TMPRSS15: variants seen among roughly 807,000 people sequenced by gnomAD.
TMPRSS15 encodes the protein enteropeptidase.
TMPRSS15 carries 128 observed loss-of-function variants against 125.3 expected under a neutral mutation model. The ratio of observed to expected loss-of-function variants is 1.02; its 90% CI spans 0.89 to 1.18. TMPRSS15 has a LOEUF of 1.18. Among genes scored for constraint, TMPRSS15 ranks in the 50% most tolerant of loss-of-function variants. The pLI is 0.00. For missense variants in TMPRSS15, 1,283 were observed against 1,212.7 expected (o/e 1.06, Z -0.86); for synonymous variants, 446 against 423.2 (o/e 1.05, Z -0.66).
intron 1 of TMPRSS15, among the ~76,000 whole-genome samples, chr21:18,414,106 G>A (rs2076174417): frequency 6.6e-6 from 1 of 152,114 alleles, no homozygotes; most frequent in African/African-American, 2.4e-5. Context: ...TCATTAGAAT[G>A]TTAAGATATT....
At chr21:18,463,424 C>T (rs2122953870) in intron 1 of TMPRSS15, among the ~76,000 whole-genome samples, 2 of 151,948 alleles carry the variant, frequency 1.3e-5, no homozygotes, top group East Asian at 3.9e-4. Flanking sequence ...ATATATACAC[C>T]CAATATAGGA....
rs776606731 is a variant in TMPRSS15, at chr21:18,294,589, A to T, written c.2311+14T>A. 6.2e-7 allele frequency: 1 copy of T among 1,610,100 alleles called. No individual in the cohort carries two copies. The highest frequency in any genetic ancestry group is 8.5e-7 in the Non-Finnish European group (1 of 1,176,312). Reference sequence around the variant, plus strand: ...AGAATGCTTGAAGTGGGATATGACAACATATTTACTTACATTTATGGTTAC... The same window carrying T: ...AGAATGCTTGAAGTGGGATATGACATCATATTTACTTACATTTATGGTTAC... On this transcript the variant is annotated intron_variant, in intron 20 of 24. Coordinates refer to ENST00000284885, the MANE Select transcript of TMPRSS15 (RefSeq NM_002772.3).
intron 5 of TMPRSS15, among the ~76,000 whole-genome samples, chr21:18,377,368 T>C (rs2075854923): frequency 6.6e-6 from 1 of 152,126 alleles, no homozygotes; most frequent in Non-Finnish European, 1.5e-5. Context: ...TCCAAATAGT[T>C]GTTTTGTTCA....
chr21:18,474,543 G>T (rs1978841620), intron 1 of TMPRSS15, among the ~76,000 whole-genome samples: 1 of 152,062 alleles, frequency 6.6e-6, no homozygotes, highest in African/African-American at 2.4e-5. Flanking sequence ...ATACACCTCG[G>T]CCTCCCAAAG....
intron 1 of TMPRSS15, among the ~76,000 whole-genome samples, chr21:18,443,061 A>G (rs996108653): frequency 2.6e-5 from 4 of 152,002 alleles, no homozygotes; most frequent in Non-Finnish European, 5.9e-5. Flanking sequence ...CCAACTATCC[A>G]TGGACACTTT....
intron 7 of TMPRSS15, among the ~76,000 whole-genome samples, 182 bp from the exon 8 acceptor site, chr21:18,360,045 C>T (rs2075665483): frequency 1.3e-5 from 2 of 152,050 alleles, no homozygotes; most frequent in African/African-American, 4.8e-5. Context: ...TACAGCAGAT[C>T]TCTAGAACTC....
intron 21 of TMPRSS15, among the ~76,000 whole-genome samples, chr21:18,292,582 T>G (rs2074851489): frequency 6.6e-6 from 1 of 152,206 alleles, no homozygotes; most frequent in Non-Finnish European, 1.5e-5. Flanking sequence ...CTAATATTAC[T>G]GCGAGCCTGA....
intron 10 of TMPRSS15, among the ~76,000 whole-genome samples, chr21:18,347,581 T>C (rs1460356117): frequency 1.3e-5 from 2 of 152,204 alleles, no homozygotes; most frequent in East Asian, 3.8e-4. Flanking sequence ...TTGCTAGAAC[T>C]TTTGGAAACA....
rs1317579554 is a variant in TMPRSS15 at position 18,413,319 on chromosome 21, C to T, written c.11-14990G>A. On this transcript the variant is annotated intron_variant, in intron 1 of 7. Transcript: ENST00000422787. Reference sequence around the variant, plus strand: ...TTTCTTTCTTTTCTTTCTTTTCCTTCCTTCCTTCCTTCCTTCCTTCCTTCC... The same window carrying T: ...TTTCTTTCTTTTCTTTCTTTTCCTTTCTTCCTTCCTTCCTTCCTTCCTTCC... Among the ~76,000 whole-genome samples, 220 of 101,974 alleles carry T rather than the reference C, an allele frequency of 2.2e-3. 9 individuals carry two copies. The highest frequency in any genetic ancestry group is 0.013 in the East Asian group (52 of 3,860). 66.9% of individuals were successfully genotyped at this position (101,974 alleles called of 152,430 possible).
At chr21:18,352,449 G>A (rs537408057) in intron 10 of TMPRSS15, among the ~76,000 whole-genome samples, 9 of 152,034 alleles carry the variant, frequency 5.9e-5, no homozygotes, top group South Asian at 4.2e-4. Context: ...AAGGAACATC[G>A]GAGATAACAA....
chr21:18,351,262 T>C (rs1343269121), intron 10 of TMPRSS15, among the ~76,000 whole-genome samples: 1 of 152,188 alleles, frequency 6.6e-6, no homozygotes. Flanking sequence ...TTTTATTCAG[T>C]CAATAACTTA....
At chr21:18,297,185 C>T (rs1350228902) in intron 19 of TMPRSS15, among the ~76,000 whole-genome samples, 2 of 152,012 alleles carry the variant, frequency 1.3e-5, no homozygotes, top group Non-Finnish European at 2.9e-5. Flanking sequence ...CTTTTTAATA[C>T]CTTAGTAAAG....
At chr21:18,479,287 A>C (rs1978936648) in intron 1 of TMPRSS15, among the ~76,000 whole-genome samples, 1 of 151,986 alleles carries the variant, frequency 6.6e-6, no homozygotes, top group South Asian at 2.1e-4. Flanking sequence ...TCATAAACAA[A>C]TGCATATACA....
At chr21:18,450,297 G>A (rs1185548760) in intron 1 of TMPRSS15, among the ~76,000 whole-genome samples, 2 of 151,754 alleles carry the variant, frequency 1.3e-5, no homozygotes, top group Admixed American at 6.6e-5. Flanking sequence ...TTCATCTGGG[G>A]TTGCATAATG....
chr21:18,396,792 A>AAAATATG (rs1408156983), intron 3 of TMPRSS15, among the ~76,000 whole-genome samples: 1 of 112,792 alleles, frequency 8.9e-6, no homozygotes, highest in Non-Finnish European at 1.8e-5. Flanking sequence ...AAAAAAAAAA[A>AAAATATG]TCTGTCTGTC....
At chr21:18,335,708 T>G (rs1377333208) in intron 13 of TMPRSS15, among the ~76,000 whole-genome samples, 1 of 152,202 alleles carries the variant, frequency 6.6e-6, no homozygotes, top group Non-Finnish European at 1.5e-5. Flanking sequence ...TGTAAAGAAT[T>G]GGTAAAAACA....
At chr21:18,449,199 G>C (rs2076262256) in intron 1 of TMPRSS15, among the ~76,000 whole-genome samples, 1 of 152,034 alleles carries the variant, frequency 6.6e-6, no homozygotes, top group Non-Finnish European at 1.5e-5. Context: ...TGAAAATGTA[G>C]CATTATATAC....
intron 18 of TMPRSS15, 107 bp from the exon 19 acceptor site, chr21:18,297,936 G>A (rs1213119128): frequency 1.8e-5 from 14 of 765,150 alleles, no homozygotes; most frequent in Admixed American, 7.6e-5. Flanking sequence ...CAAATTATGG[G>A]ATACCAGCCA....
upstream of TMPRSS15, among the ~76,000 whole-genome samples, chr21:18,405,801 G>A (rs1047114583): frequency 2.0e-5 from 3 of 152,092 alleles, no homozygotes; most frequent in African/African-American, 7.2e-5. Context: ...AGAAAATATA[G>A]AAGAATGTCT....
Sources: gnomAD v4.1 joint callset for allele counts (sites outside exome capture counted in the v4.1 genomes callset) on GRCh38, gnomAD v4.1.1 for gene constraint, MANE v1.5 for transcripts, NCBI Gene and HGNC (gene_info 2026-07-23, HGNC 2026-07-21) for gene names.